TDRD9: variants seen among roughly 807,000 people sequenced by gnomAD.
The protein encoded by TDRD9 is ATP-dependent RNA helicase TDRD9.
A neutral mutation model predicts 172.6 loss-of-function variants in TDRD9; 124 were observed. The ratio of observed to expected loss-of-function variants is 0.72; its 90% CI spans 0.62 to 0.83. The LOEUF (loss-of-function observed/expected upper bound fraction) is 0.83. Among genes scored for constraint, TDRD9 ranks in the 40% least tolerant of loss-of-function variants. The probability of loss-of-function intolerance (pLI) is 0.00; values close to 1 mark genes in which losing one functional copy is unlikely to be tolerated. For missense variants in TDRD9, 1,479 were observed against 1,714.1 expected (o/e 0.86, Z 2.42); for synonymous variants, 619 against 617.1 (o/e 1.00, Z -0.05).
In TDRD9 at chr14:103,994,601, A is replaced by G; in HGVS notation, c.1318A>G (p.Lys440Glu). The G allele has an allele frequency of 6.2e-7, 1 of 1,611,968 alleles. No homozygotes were observed. Among genetic ancestry groups the G allele is most frequent in the South Asian group, 1.1e-5 (1 of 90,750 alleles). Reference sequence around the variant, plus strand: ...TTTAAGTCCAGTCCCTGGGTACAGAAAGGTAGGAAAACTGGGAAGACAAGT... The same window carrying G: ...TTTAAGTCCAGTCCCTGGGTACAGAGAGGTAGGAAAACTGGGAAGACAAGT... The part of the protein sequence containing the change: ...VFLSPVPGYR[K>E]IILSTNIAES... The change falls in exon 11 of 36, where the codon AAG becomes GAG. Residue 440 changes from lysine to glutamate, a missense_variant and splice_region_variant. Lys to Glu is a moderately conservative substitution (Grantham distance 56, BLOSUM62 1). This residue lies in a region of TDRD9 where 1,413 missense variants were observed against 1,649.1 expected (regional missense o/e 0.86). Coordinates refer to ENST00000409874, the MANE Select transcript of TDRD9 (RefSeq NM_153046.3).
At chr14:104,028,469 G>A (rs10149233) in intron 28 of TDRD9, among the ~76,000 whole-genome samples, 50,244 of 151,966 alleles carry the variant, frequency 0.33, 8,461 homozygotes, top group Middle Eastern at 0.36. Context: ...TCATATATTT[G>A]TTGGTTATTT....
chr14:103,942,739 A>G (rs17101953), intron 1 of TDRD9, among the ~76,000 whole-genome samples: 3,527 of 152,296 alleles, frequency 0.023, 76 homozygotes, highest in East Asian at 0.071. Flanking sequence ...TTCTGAGAAA[A>G]CTCATTGTAA....
At chr14:104,025,915 T>C (rs569483739) in intron 26 of TDRD9, 132 bp from the exon 27 acceptor site, 4 of 977,576 alleles carry the variant, frequency 4.1e-6, no homozygotes, top group Non-Finnish European at 6.3e-6. Context: ...CTCATTGATA[T>C]GTGGATTTAA....
intron 8 of TDRD9, among the ~76,000 whole-genome samples, chr14:103,988,024 A>C (rs2152191505): frequency 6.6e-6 from 1 of 152,208 alleles, no homozygotes; most frequent in East Asian, 1.9e-4. Flanking sequence ...GTAACACTTA[A>C]TTTTAAGACC....
Position 104,034,032 on chromosome 14 carries a change from A to C in TDRD9, c.3582A>C (p.Arg1194Ser). 6.4e-7 allele frequency: 1 copy of C among 1,550,982 alleles called. No homozygotes were observed. Among genetic ancestry groups the C allele is most frequent in the Non-Finnish European group, 8.7e-7 (1 of 1,146,246 alleles). The change falls in exon 31 of 36, where the codon AGA becomes AGC. Residue 1194 changes from arginine to serine, a missense_variant. By Grantham distance (110) the Arg-to-Ser change is moderately radical. Transcript: ENST00000409874. The part of the protein sequence containing the change: ...ISDAPEDLHQ[R>S]MLVAASLSIN... Reference sequence around the variant, plus strand: ...ACGCCCCTGAAGACCTTCACCAGAGAATGCTGGTTGCAGCTTCCCTTTCCA... The same window carrying C: ...ACGCCCCTGAAGACCTTCACCAGAGCATGCTGGTTGCAGCTTCCCTTTCCA...
chr14:103,949,888 T>C lies in TDRD9; in HGVS notation c.216-5776T>C, dbSNP rs1175774140. Among the ~76,000 whole-genome samples, 8 of 151,942 alleles carry C rather than the reference T, an allele frequency of 5.3e-5. No individual in the cohort carries two copies. The South Asian group carries it at 1.5e-3, about 28-fold the overall frequency. On this transcript the variant is annotated intron_variant, in intron 1 of 35. Transcript: ENST00000409874. ...TTAGTAGAGACGGGGTTTCAACATT[T>C]TGGTCTCGAACTCCCGACCTCAGGT...
intron 28 of TDRD9, among the ~76,000 whole-genome samples, chr14:104,028,578 T>G (rs893378898): frequency 6.6e-6 from 1 of 152,230 alleles, no homozygotes; most frequent in African/African-American, 2.4e-5. Flanking sequence ...GTATTCTGGA[T>G]GTTATTCCTT....
chr14:103,998,536 C>A, intron 12 of TDRD9, 88 bp from the exon 13 acceptor site: 1 of 799,276 alleles, frequency 1.3e-6, no homozygotes, highest in Non-Finnish European at 2.1e-6. Flanking sequence ...CTGCATGTTT[C>A]AAATGGCTTT....
chr14:104,005,860 T>A (rs2034421523), intron 15 of TDRD9, among the ~76,000 whole-genome samples: 1 of 152,206 alleles, frequency 6.6e-6, no homozygotes, highest in Non-Finnish European at 1.5e-5. Context: ...TTGCCTAGGC[T>A]GGAGCGCAGT....
chr14:104,022,260 A>C lies in TDRD9; in HGVS notation c.2536A>C (p.Ser846Arg). The change falls in exon 24 of 36, where the codon AGC becomes CGC. Residue 846 changes from serine to arginine, a missense_variant. Ser to Arg is a moderately radical substitution (Grantham distance 110). This residue lies in a region of TDRD9 where 1,413 missense variants were observed against 1,649.1 expected (regional missense o/e 0.86). Coordinates refer to ENST00000409874, the MANE Select transcript of TDRD9 (RefSeq NM_153046.3). ...MSQLKVSLEL[S>R]VHSAEEIEGK... ...TCAACTAAAAGTTTCACTTGAACTC[A>C]GCGTTCATTCTGCAGAGGAAATTGA... 6.2e-7 allele frequency: 1 copy of C among 1,613,308 alleles called. No individual in the cohort carries two copies. Among genetic ancestry groups the C allele is most frequent in the Non-Finnish European group, 8.5e-7 (1 of 1,179,628 alleles).
At chr14:104,046,860 A>T (rs960912580) in intron 34 of TDRD9, among the ~76,000 whole-genome samples, 2 of 152,026 alleles carry the variant, frequency 1.3e-5, no homozygotes, top group Admixed American at 6.5e-5. Context: ...GTTCGCCAGG[A>T]TGGTCTCGAT....
At chr14:103,983,019 G>A (rs2033535257) in intron 7 of TDRD9, among the ~76,000 whole-genome samples, 1 of 149,980 alleles carries the variant, frequency 6.7e-6, no homozygotes, top group Non-Finnish European at 1.5e-5. Context: ...CAGTAGTAGA[G>A]CATGCCCCCC....
chr14:103,999,685 A>C lies in TDRD9; in HGVS notation c.1483+957A>C, dbSNP rs2034194108. Among the ~76,000 whole-genome samples, 15 of 113,976 alleles carry C rather than the reference A, an allele frequency of 1.3e-4. 5 individuals carry two copies. The highest frequency in any genetic ancestry group is 2.0e-4 in the African/African-American group (6 of 29,270). The allele number at this position is 113,976 out of a possible 152,430, so 74.8% of individuals were successfully genotyped here. Reference sequence around the variant, plus strand: ...GTAGATAAAAGACCATTTCAAGAATACTAAAATACTAAATACACCCCCCAA... The same window carrying C: ...GTAGATAAAAGACCATTTCAAGAATCCTAAAATACTAAATACACCCCCCAA... On this transcript the variant is annotated intron_variant, in intron 13 of 35. Transcript: ENST00000409874.
chr14:104,044,446 T>C (rs933811718), intron 34 of TDRD9, among the ~76,000 whole-genome samples: 13 of 152,232 alleles, frequency 8.5e-5, no homozygotes, highest in Admixed American at 2.6e-4. Context: ...GGATCGAAAG[T>C]TCCCCCTGTC....
At chr14:103,951,337 A>G (rs547813415) in intron 1 of TDRD9, among the ~76,000 whole-genome samples, 27 of 152,236 alleles carry the variant, frequency 1.8e-4, no homozygotes, top group Non-Finnish European at 3.1e-4. Flanking sequence ...CTGTTGTTAG[A>G]TTAATGTATT....
chr14:104,005,304 G>A lies in TDRD9; in HGVS notation c.1612G>A (p.Val538Met). The A allele has an allele frequency of 6.2e-7, 1 of 1,613,976 alleles. No homozygotes were observed. Among genetic ancestry groups the A allele is most frequent in the Non-Finnish European group, 8.5e-7 (1 of 1,179,882 alleles). Residue 538 changes from valine to methionine, a missense_variant, in exon 15 of 36, where the codon GTG becomes ATG. Coordinates refer to ENST00000409874, the MANE Select transcript of TDRD9 (RefSeq NM_153046.3). ...TCCATTAGGAAGCACGATCTTGAAA[G>A]TGAAATTACTTGACATGGGTGAGCC... is the stretch of plus-strand genomic sequence containing the variant. ...RCPLGSTILK[V>M]KLLDMGEPRA...
chr14:104,048,350 T>C (rs1313022243), intron 34 of TDRD9, among the ~76,000 whole-genome samples: 1 of 152,252 alleles, frequency 6.6e-6, no homozygotes, highest in African/African-American at 2.4e-5. Flanking sequence ...GCGATCCTCC[T>C]GCCTCAGTCT....
chr14:103,980,695 T>C lies in TDRD9; in HGVS notation c.1011+5142T>C, dbSNP rs1232589259. 1.3e-5 allele frequency among the ~76,000 whole-genome samples: 2 copies of C among 152,014 alleles called. No homozygotes were observed. Among genetic ancestry groups the C allele is most frequent in the African/African-American group, 4.8e-5 (2 of 41,420 alleles). On this transcript the variant is annotated intron_variant, in intron 7 of 35. Transcript: ENST00000409874. This position sits in a 1 kb window ranked among gnomAD's most constrained non-coding sequence, Gnocchi z 4.5. ...TACCCCAGGGAAAGGGAGACTCCCT[T>C]TCCCGGTCTGCTGAGTAGCGGGTGT...
chr14:104,046,290 GT>G (rs2035774342), intron 34 of TDRD9, among the ~76,000 whole-genome samples: 1 of 152,094 alleles, frequency 6.6e-6, no homozygotes, highest in Non-Finnish European at 1.5e-5. Context: ...TATGTTTTCG[GT>G]GCTATATCTT....
Sources: allele counts gnomAD v4.1 joint callset (sites outside exome capture counted in the v4.1 genomes callset), GRCh38; gene constraint gnomAD v4.1.1; regional missense constraint gnomAD v4.1.1; non-coding constraint Gnocchi (gnomAD v3.1); transcripts MANE v1.5; gene names NCBI Gene and HGNC (gene_info 2026-07-23, HGNC 2026-07-21).